Variants in UNC13B observed in about 807,000 individuals in gnomAD.
UNC13B encodes the protein protein unc-13 homolog B.
Under a neutral mutation model 211.0 loss-of-function variants are expected in UNC13B, and 144 were observed. That is an observed-to-expected ratio of 0.68 (90% CI 0.60 to 0.78). The LOEUF is 0.78. Ranked by LOEUF, UNC13B falls within the 30% of genes least tolerant of loss-of-function variation. The pLI is 0.00. For missense variants in UNC13B, 1,777 were observed against 2,002.0 expected, an observed-to-expected ratio of 0.89 and a Z score of 2.14; for synonymous variants, 709 against 725.8, an observed-to-expected ratio of 0.98 and a Z score of 0.37.
intron 11 of UNC13B, among the ~76,000 whole-genome samples, chr9:35,347,451 C>T (rs1177759820): frequency 6.6e-6 from 1 of 152,140 alleles, no homozygotes; most frequent in African/African-American, 2.4e-5. Flanking sequence ...AATTGGGCCT[C>T]CTGTCCCTGA....
chr9:35,362,531 G>A (rs185788213), intron 11 of UNC13B, among the ~76,000 whole-genome samples: 12 of 152,222 alleles, frequency 7.9e-5, no homozygotes, highest in Middle Eastern at 3.4e-3. Context: ...CATCTAGGGC[G>A]GGGCGTGGTG....
chr9:35,219,469 T>C (rs1478933968), intron 1 of UNC13B, among the ~76,000 whole-genome samples: 1 of 152,016 alleles, frequency 6.6e-6, no homozygotes, highest in Non-Finnish European at 1.5e-5. Context: ...AGTAGTAAAT[T>C]AGCCAGGTGT....
chr9:35,280,476 T>G (rs904572704), intron 7 of UNC13B, among the ~76,000 whole-genome samples: 3 of 152,146 alleles, frequency 2.0e-5, no homozygotes, highest in Non-Finnish European at 4.4e-5. Context: ...AGTCTAGGAC[T>G]AAGACTCTGA....
intron 1 of UNC13B, among the ~76,000 whole-genome samples, chr9:35,201,313 C>T (rs545163872): frequency 6.6e-6 from 1 of 152,324 alleles, no homozygotes; most frequent in East Asian, 1.9e-4. Flanking sequence ...TGTTGTGTCT[C>T]TGCCAGGCTT....
At chr9:35,228,425 TTGC>T (rs1824985013) in intron 2 of UNC13B, among the ~76,000 whole-genome samples, 1 of 152,044 alleles carries the variant, frequency 6.6e-6, no homozygotes, top group African/African-American at 2.4e-5. Context: ...CCATGTTGGT[TTGC>T]TGCACCCATT....
intron 37 of UNC13B, chr9:35,401,986 G>T (rs770650903): frequency 2.1e-5 from 33 of 1,550,668 alleles, no homozygotes; most frequent in Non-Finnish European, 2.8e-5. Context: ...TACTGCTAAT[G>T]AGGACATTCG....
At chr9:35,349,347 GAAAAA>G (rs56137649) in intron 11 of UNC13B, among the ~76,000 whole-genome samples, 1 of 115,484 alleles carries the variant, frequency 8.7e-6, no homozygotes. Flanking sequence ...GGTTGGGGAG[GAAAAA>G]AAAAAAAAAA....
At chr9:35,389,696 C>T in intron 24 of UNC13B, 150 bp from the exon 25 acceptor site, 1 of 763,776 alleles carries the variant, frequency 1.3e-6, no homozygotes, top group Non-Finnish European at 2.1e-6. Context: ...CAGGGATAGT[C>T]TTGTGGAAGA....
At chr9:35,257,494 T>C (rs1826990933) in intron 6 of UNC13B, among the ~76,000 whole-genome samples, 1 of 141,200 alleles carries the variant, frequency 7.1e-6, no homozygotes, top group African/African-American at 2.6e-5. Flanking sequence ...AGCACAAGAA[T>C]TGTTTGAACC....
chr9:35,185,577 T>A (rs1277581760), intron 1 of UNC13B, among the ~76,000 whole-genome samples: 1 of 152,118 alleles, frequency 6.6e-6, no homozygotes, highest in Admixed American at 6.6e-5. Flanking sequence ...ACAGCTTTTC[T>A]CAAATCCCGC....
chr9:35,402,407 T>G (rs1205349797), intron 37 of UNC13B, among the ~76,000 whole-genome samples: 1 of 151,224 alleles, frequency 6.6e-6, no homozygotes, highest in Non-Finnish European at 1.5e-5. Flanking sequence ...TCAGCCTCCC[T>G]AGTAGCTGGG....
intron 13 of UNC13B, among the ~76,000 whole-genome samples, chr9:35,372,484 C>T (rs1248159969): frequency 2.7e-5 from 4 of 150,682 alleles, no homozygotes; most frequent in Non-Finnish European, 5.9e-5. Context: ...GCAGCCCCAG[C>T]TCTCAGACTT....
In UNC13B at chr9:35,295,908, T is replaced by C; in HGVS notation, c.739T>C (p.Tyr247His). ...CTCTATGCAAAGTTATGACCTTGAT[T>C]ATCCAGAGCGGCGGGCTATCAGGTG... ...NDSMQSYDLDYPERRAIRYAQ... is the reference protein window; with the variant it reads ...NDSMQSYDLDHPERRAIRYAQ... The change falls in exon 8 of 40, where the codon TAT becomes CAT. Residue 247 changes from tyrosine (Y) to histidine (H), a missense_variant. Tyr to His is a moderately conservative substitution (Grantham distance 83). Coordinates refer to ENST00000635942, the MANE Select transcript of UNC13B (RefSeq NM_001371189.2). The C allele has an allele frequency of 1.2e-6, 2 of 1,612,634 alleles. No homozygotes were observed. Among genetic ancestry groups the C allele is most frequent in the Non-Finnish European group, 1.7e-6 (2 of 1,179,302 alleles).
intron 11 of UNC13B, among the ~76,000 whole-genome samples, chr9:35,320,501 T>C (rs1007708052): frequency 2.6e-5 from 4 of 152,238 alleles, no homozygotes; most frequent in Non-Finnish European, 5.9e-5. Context: ...TGCTAGGCTC[T>C]TTTTGCTATC....
intron 1 of UNC13B, among the ~76,000 whole-genome samples, chr9:35,163,639 A>G (rs1475484670): frequency 1.3e-5 from 2 of 152,206 alleles, no homozygotes; most frequent in Non-Finnish European, 2.9e-5. Context: ...TTAATTCTCT[A>G]CGGCCACACT....
Position 35,162,153 on chromosome 9 carries a change from G to A in UNC13B, c.-131G>A, listed in dbSNP as rs1820809846. On this transcript the variant is annotated 5_prime_UTR_variant, in exon 1 of 40. Transcript: ENST00000635942. ...CCGAGGCAGCGGCGGGACGCTACCTGCGACCGGGACCATGAGGAGCTGCCA... is the reference window on the plus strand; with the variant it reads ...CCGAGGCAGCGGCGGGACGCTACCTACGACCGGGACCATGAGGAGCTGCCA... The A allele has an allele frequency of 2.1e-6, 3 of 1,397,116 alleles. No homozygotes were observed. The highest frequency in any genetic ancestry group is 2.5e-5 in the South Asian group (2 of 80,158). 86.5% of individuals were successfully genotyped at this position (1,397,116 alleles called of 1,614,324 possible).
In UNC13B at chr9:35,304,572, T is replaced by C. The variant is rs916448021; in HGVS notation, c.5168T>C (p.Val1723Ala). Residue 1723 changes from valine to alanine, a missense_variant, in exon 9 of 40, where the codon GTT becomes GCT. Physicochemically the swap from Val to Ala is moderately conservative, Grantham distance 64. Coordinates refer to ENST00000635942, the MANE Select transcript of UNC13B (RefSeq NM_001371189.2). ...AGTTTCCATTGGCTTCAGTCTTCTGTTGAAGAAGTTACCACTTTGGTTCAT... is the reference window on the plus strand; with the variant it reads ...AGTTTCCATTGGCTTCAGTCTTCTGCTGAAGAAGTTACCACTTTGGTTCAT... ...LSSFHWLQSS[V>A]EEVTTLVHPE... 4.8e-5 allele frequency: 19 copies of C among 398,630 alleles called. No homozygotes were observed. The highest frequency in any genetic ancestry group is 3.9e-4 in the African/African-American group (19 of 48,584). 24.7% of individuals were successfully genotyped at this position (398,630 alleles called of 1,614,324 possible).
At position 35,389,907 on chromosome 9, in the gene UNC13B, A is replaced by G. The variant is rs139620196; in HGVS notation, c.11156A>G (p.Lys3719Arg). Reference sequence around the variant, plus strand: ...ATTCGGAACCTGGATTTCTGGCCCAAGCTCATCACACTCATCGTGTCAATC... The same window carrying G: ...ATTCGGAACCTGGATTTCTGGCCCAGGCTCATCACACTCATCGTGTCAATC... ...PSIRNLDFWP[K>R]LITLIVSIIE... Residue 3719 changes from lysine to arginine, a missense_variant, in exon 25 of 40, where the codon AAG becomes AGG. Coordinates refer to ENST00000635942, the MANE Select transcript of UNC13B (RefSeq NM_001371189.2). 4 of 1,614,038 alleles carry G rather than the reference A, an allele frequency of 2.5e-6. No homozygotes were observed. The highest frequency in any genetic ancestry group is 2.2e-5 in the East Asian group (1 of 44,892).
chr9:35,188,258 A>G (rs1477022490), intron 1 of UNC13B, among the ~76,000 whole-genome samples: 1 of 152,230 alleles, frequency 6.6e-6, no homozygotes, highest in Non-Finnish European at 1.5e-5. Flanking sequence ...AAAGTCCTGT[A>G]GCTTGATTAT....
Sources: allele counts gnomAD v4.1 joint callset (sites outside exome capture counted in the v4.1 genomes callset), GRCh38; gene constraint gnomAD v4.1.1; transcripts MANE v1.5; gene names NCBI Gene and HGNC (gene_info 2026-07-23, HGNC 2026-07-21).